PPP1R36: variants seen among roughly 807,000 people sequenced by gnomAD.
PPP1R36 encodes the protein chromosome 14 open reading frame 50.
Under a neutral mutation model 53.4 loss-of-function variants are expected in PPP1R36, and 47 were observed. The observed-to-expected ratio is 0.88, with a 90% CI of 0.70 to 1.12. PPP1R36 has a LOEUF of 1.12. PPP1R36 is among the 50% of genes most tolerant of loss of function. The pLI, the probability that PPP1R36 is intolerant of heterozygous loss-of-function variation, is 0.00. For synonymous variants in PPP1R36, 153 were observed against 170.5 expected (o/e 0.90, Z 0.80); for missense variants, 456 against 513.9 (o/e 0.89, Z 1.09).
intron 1 of PPP1R36, 68 bp from the exon 2 acceptor site, chr14:64,550,852 GT>G: frequency 8.6e-7 from 1 of 1,157,284 alleles, no homozygotes; most frequent in Non-Finnish European, 1.3e-6. Context: ...ATTGTTAAAG[GT>G]TTATTGTGGC....
At chr14:64,589,045 T>G (rs1486929999) in intron 11 of PPP1R36, 107 bp from the exon 12 acceptor site, 1 of 732,154 alleles carries the variant, frequency 1.4e-6, no homozygotes, top group Non-Finnish European at 2.2e-6. Context: ...TTAGCTTTAG[T>G]GTACATACAC....
At chr14:64,558,693 T>C (rs1291314996) in intron 3 of PPP1R36, among the ~76,000 whole-genome samples, 1 of 150,632 alleles carries the variant, frequency 6.6e-6, no homozygotes, top group East Asian at 2.0e-4. Flanking sequence ...TAGAGTGCAG[T>C]GGTGTAATCT....
intron 8 of PPP1R36, among the ~76,000 whole-genome samples, chr14:64,579,965 G>A (rs891234352): frequency 2.4e-4 from 36 of 148,744 alleles, no homozygotes; most frequent in South Asian, 8.4e-4. Context: ...GCGAGACTCC[G>A]TCTCAAAAAA....
chr14:64,568,422 GA>G lies in PPP1R36; in HGVS notation c.512del (p.Lys171ArgfsTer8). On this transcript the variant is annotated frameshift_variant, in exon 7 of 12. Transcript: ENST00000298705. LOFTEE classifies it high-confidence loss of function. ...LSHYLEKNSL[E>X]KKPKSYMVGL... is the part of the protein sequence containing the mutation. The stretch of plus-strand genomic sequence containing the variant: ...CCATTACTTGGAAAAAAACTCACTG[GA>G]AAAGAAACCCAAAAGCTATATGGTG... The G allele has an allele frequency of 2.6e-6, 4 of 1,551,516 alleles. No individual in the cohort carries two copies. Among genetic ancestry groups the G allele is most frequent in the Non-Finnish European group, 3.5e-6 (4 of 1,137,442 alleles).
chr14:64,568,081 T>C (rs1490255834), intron 6 of PPP1R36, among the ~76,000 whole-genome samples: 2 of 152,252 alleles, frequency 1.3e-5, no homozygotes, highest in Non-Finnish European at 2.9e-5. Context: ...ATAATAACTT[T>C]TTAAAAATTA....
At chr14:64,580,373 A>G (rs547620337) in intron 8 of PPP1R36, among the ~76,000 whole-genome samples, 1 of 152,362 alleles carries the variant, frequency 6.6e-6, no homozygotes, top group African/African-American at 2.4e-5. Context: ...TTGCAAACCA[A>G]TGTTGGGATA....
chr14:64,550,148 G>A, intron 1 of PPP1R36, 82 bp downstream of exon 1: 1 of 1,500,810 alleles, frequency 6.7e-7, no homozygotes, highest in Non-Finnish European at 9.0e-7. Flanking sequence ...CGCGCCCCTC[G>A]CCCTCCTCCA....
Position 64,589,247 on chromosome 14 carries a change from C to T in PPP1R36, c.1178C>T (p.Pro393Leu). Residue 393 changes from proline (P) to leucine (L), a missense_variant, in exon 12 of 12, where the codon CCT becomes CTT. Physicochemically the swap from Pro to Leu is moderately conservative, Grantham distance 98. Transcript: ENST00000298705. Reference protein sequence around the residue: ...EENTKSFGRYPSLMENNNMRI... With the variant: ...EENTKSFGRYLSLMENNNMRI... ...AACACAAAATCATTTGGGAGATATC[C>T]TTCCTTGATGGAAAACAATAACATG... 2 of 1,613,818 alleles carry T rather than the reference C, an allele frequency of 1.2e-6. No homozygotes were observed. Among genetic ancestry groups the T allele is most frequent in the Non-Finnish European group, 1.7e-6 (2 of 1,179,716 alleles).
Position 64,589,254 on chromosome 14 carries a change from G to T in PPP1R36, c.1185G>T (p.Leu395Phe). ...NTKSFGRYPSLMENNNMRIQD... is the reference protein window; with the variant it reads ...NTKSFGRYPSFMENNNMRIQD... ...AATCATTTGGGAGATATCCTTCCTT[G>T]ATGGAAAACAATAACATGAGGATTC... Residue 395 changes from leucine (L) to phenylalanine (F), a missense_variant, in exon 12 of 12, where the codon TTG (leucine) becomes TTT (phenylalanine). Transcript: ENST00000298705. 1 of 1,613,860 alleles carries T rather than the reference G, an allele frequency of 6.2e-7. No homozygotes were observed. Among genetic ancestry groups the T allele is most frequent in the Non-Finnish European group, 8.5e-7 (1 of 1,179,838 alleles).
intron 6 of PPP1R36, among the ~76,000 whole-genome samples, chr14:64,567,536 C>T (rs563372686): frequency 3.9e-5 from 6 of 152,200 alleles, no homozygotes; most frequent in East Asian, 1.9e-4. Flanking sequence ...TATAGTATTA[C>T]GCCACTTATT....
intron 3 of PPP1R36, among the ~76,000 whole-genome samples, chr14:64,558,542 G>A (rs1241101901): frequency 3.9e-5 from 6 of 151,980 alleles, no homozygotes; most frequent in Non-Finnish European, 7.4e-5. Flanking sequence ...TCCTGCCACT[G>A]CACTCCAGTC....
In PPP1R36 at chr14:64,589,265, A is replaced by G. The variant is rs563347818; in HGVS notation, c.1196A>G (p.Asn399Ser). 1.9e-6 allele frequency: 3 copies of G among 1,614,072 alleles called. No individual in the cohort carries two copies. Among genetic ancestry groups the G allele is most frequent in the South Asian group, 1.1e-5 (1 of 91,064 alleles). ...AGATATCCTTCCTTGATGGAAAACAATAACATGAGGATTCAGGATACACTG... is the reference window on the plus strand; with the variant it reads ...AGATATCCTTCCTTGATGGAAAACAGTAACATGAGGATTCAGGATACACTG... Reference protein sequence around the residue: ...FGRYPSLMENNNMRIQDTLDL... With the variant: ...FGRYPSLMENSNMRIQDTLDL... The change falls in exon 12 of 12, where the codon AAT becomes AGT. Residue 399 changes from asparagine to serine, a missense_variant. Asn to Ser is a conservative substitution (Grantham distance 46, BLOSUM62 1). Transcript: ENST00000298705.
At chr14:64,582,693 G>A (rs1442471957) in intron 8 of PPP1R36, among the ~76,000 whole-genome samples, 5 of 151,974 alleles carry the variant, frequency 3.3e-5, no homozygotes, top group Non-Finnish European at 7.4e-5. Flanking sequence ...AATATTTTGG[G>A]GGTTTGGATA....
In PPP1R36 at chr14:64,589,296, G is replaced by C; in HGVS notation, c.1227G>C (p.Leu409Phe). The change falls in exon 12 of 12, where the codon TTG (leucine) becomes TTC (phenylalanine). Residue 409 changes from leucine (L) to phenylalanine (F), a missense_variant. Transcript: ENST00000298705. ...TGAGGATTCAGGATACACTGGACTT[G>C]GTCATGAAAACACTGTCCTCTCATA... ...NNMRIQDTLD[L>F]VMKTLSSHTS... 6.2e-7 allele frequency: 1 copy of C among 1,613,520 alleles called. No homozygotes were observed.
chr14:64,564,068 CCTTT>C (rs2080229552), intron 3 of PPP1R36, among the ~76,000 whole-genome samples: 1 of 152,156 alleles, frequency 6.6e-6, no homozygotes, highest in Admixed American at 6.5e-5. Context: ...TAATTGGGTT[CCTTT>C]GTTAGTCAAA....
At chr14:64,567,654 A>G (rs368266343) in intron 6 of PPP1R36, among the ~76,000 whole-genome samples, 1 of 152,176 alleles carries the variant, frequency 6.6e-6, no homozygotes. Context: ...AAGGATTCAT[A>G]CCAAACTCTT....
At chr14:64,586,603 C>T in intron 8 of PPP1R36, 1 of 381,028 alleles carries the variant, frequency 2.6e-6, no homozygotes, top group Non-Finnish European at 4.7e-6. Flanking sequence ...TTTGTTTACC[C>T]CAAATTTATA....
chr14:64,560,271 T>C (rs2080196134), intron 3 of PPP1R36, among the ~76,000 whole-genome samples: 1 of 151,530 alleles, frequency 6.6e-6, no homozygotes, highest in Admixed American at 6.6e-5. Flanking sequence ...CAAAACCCTA[T>C]CTCTACCAAA....
intron 8 of PPP1R36, among the ~76,000 whole-genome samples, chr14:64,585,102 C>T (rs184895799): frequency 3.3e-5 from 5 of 152,254 alleles, no homozygotes; most frequent in South Asian, 2.1e-4. Flanking sequence ...GTGAGAAGGC[C>T]GAAGGTCCTG....
Sources: allele counts gnomAD v4.1 joint callset (sites outside exome capture counted in the v4.1 genomes callset), GRCh38; gene constraint gnomAD v4.1.1; transcripts MANE v1.5; gene names NCBI Gene and HGNC (gene_info 2026-07-23, HGNC 2026-07-21).